Variants in CNTN6 observed in about 807,000 individuals in gnomAD.
The protein encoded by CNTN6 is contactin 6.
Under a neutral mutation model 122.8 loss-of-function variants are expected in CNTN6, and 137 were observed. The observed-to-expected ratio is 1.12, with a 90% CI of 0.97 to 1.29. The LOEUF (loss-of-function observed/expected upper bound fraction) is 1.29, where lower values mean the gene tolerates loss of function less well. CNTN6 is among the 50% of genes most tolerant of loss of function. The pLI, the probability that CNTN6 is intolerant of heterozygous loss-of-function variation, is 0.00. For missense variants in CNTN6, 1,634 were observed against 1,223.4 expected (o/e 1.34, Z -5.01); for synonymous variants, 570 against 426.0 (o/e 1.34, Z -4.16).
intron 2 of CNTN6, among the ~76,000 whole-genome samples, chr3:1,156,592 CTTTCTTTCTTTCTTTCTTTTTCT>C (rs2092967653): frequency 6.7e-6 from 1 of 148,720 alleles, no homozygotes; most frequent in African/African-American, 2.6e-5. Context: ...GAGTCTCAGA[CTTTCTTTCTTTCTTTCTTTTTCT>C]TTTCTTTCTT....
At chr3:1,281,619 CATGA>C in intron 5 of CNTN6, among the ~76,000 whole-genome samples, 5 of 152,110 alleles carry the variant, frequency 3.3e-5, no homozygotes, top group African/African-American at 4.8e-5. Context: ...CACGTGCCAC[CATGA>C]ACACCTAATT....
intron 2 of CNTN6, among the ~76,000 whole-genome samples, chr3:1,200,507 C>T (rs1020979042): frequency 1.9e-4 from 29 of 152,108 alleles, no homozygotes; most frequent in African/African-American, 6.8e-4. Flanking sequence ...GCATTTGGAC[C>T]TTTTGGGGTC....
chr3:1,387,681 G>A (rs1693253796), intron 20 of CNTN6, among the ~76,000 whole-genome samples: 1 of 152,206 alleles, frequency 6.6e-6, no homozygotes, highest in South Asian at 2.1e-4. Context: ...GTGCCAGACA[G>A]TGGGCGCAGG....
chr3:1,361,545 T>C (rs1385703815), intron 12 of CNTN6, among the ~76,000 whole-genome samples: 1 of 152,184 alleles, frequency 6.6e-6, no homozygotes, highest in Admixed American at 6.6e-5. Context: ...AAATTATACT[T>C]ATTTCTTTCT....
intron 11 of CNTN6, among the ~76,000 whole-genome samples, chr3:1,336,778 A>T (rs13325400): frequency 2.6e-5 from 4 of 152,042 alleles, no homozygotes; most frequent in African/African-American, 9.7e-5. Context: ...TCAAACCTCA[A>T]ATTTAGAGCA....
rs529519302 is a variant in CNTN6 at position 1,102,497 on chromosome 3, G to GT, written c.-83+9377_-83+9378insT. ...TGTAATCCCAGCACTTTGGGAGGCC[G>GT]AGGTGGGCGGATCACCAGGTCAGGA... On this transcript the variant is annotated intron_variant, in intron 1 of 22. Transcript: ENST00000446702. Among the ~76,000 whole-genome samples, 267 of 152,136 alleles carry GT rather than the reference G, an allele frequency of 1.8e-3. 2 individuals carry two copies. Among genetic ancestry groups the GT allele is most frequent in the Middle Eastern group, 3.4e-3 (1 of 294 alleles).
At chr3:1,177,985 C>T (rs1429583452) in intron 2 of CNTN6, among the ~76,000 whole-genome samples, 1 of 151,220 alleles carries the variant, frequency 6.6e-6, no homozygotes, top group Non-Finnish European at 1.5e-5. Context: ...ACTGCAACCT[C>T]TGCCTCCCGG....
intron 11 of CNTN6, among the ~76,000 whole-genome samples, chr3:1,337,817 G>C (rs920484002): frequency 6.6e-6 from 1 of 152,096 alleles, no homozygotes; most frequent in African/African-American, 2.4e-5. Flanking sequence ...AGTCTTGCCT[G>C]TTTCACATGA....
intron 2 of CNTN6, among the ~76,000 whole-genome samples, chr3:1,148,470 AT>A (rs1462612100): frequency 2.0e-5 from 3 of 151,948 alleles, no homozygotes; most frequent in African/African-American, 7.2e-5. Context: ...TATTTCTCTC[AT>A]GTTTAGAAAT....
chr3:1,273,000 T>C (rs2095051248), intron 4 of CNTN6, among the ~76,000 whole-genome samples: 1 of 152,190 alleles, frequency 6.6e-6, no homozygotes, highest in Admixed American at 6.5e-5. Flanking sequence ...TTAAAGCTCA[T>C]TTTATGGGCC....
At chr3:1,357,148 C>T (rs1346800805) in intron 12 of CNTN6, among the ~76,000 whole-genome samples, 3 of 151,604 alleles carry the variant, frequency 2.0e-5, no homozygotes, top group Non-Finnish European at 4.4e-5. Context: ...TAGGTTTTAC[C>T]ACTTTTTTCA....
chr3:1,099,523 C>G (rs1380487156), intron 1 of CNTN6, among the ~76,000 whole-genome samples: 2 of 152,150 alleles, frequency 1.3e-5, no homozygotes, highest in East Asian at 3.9e-4. Context: ...GTTTTATATT[C>G]TTATTATTCA....
intron 2 of CNTN6, among the ~76,000 whole-genome samples, chr3:1,182,971 T>C (rs1170891611): frequency 2.0e-5 from 3 of 152,178 alleles, no homozygotes; most frequent in Admixed American, 6.6e-5. Flanking sequence ...CAAGTGATTA[T>C]TGTTTAAAAA....
intron 4 of CNTN6, among the ~76,000 whole-genome samples, chr3:1,272,471 T>C (rs1310865636): frequency 1.3e-5 from 2 of 152,060 alleles, no homozygotes; most frequent in African/African-American, 2.4e-5. Flanking sequence ...TATTAAAAAA[T>C]GAAAGAACAA....
Position 1,295,814 on chromosome 3 carries a change from T to C in CNTN6, c.658+10T>C, listed in dbSNP as rs371392292. 6 of 1,600,184 alleles carry C rather than the reference T, an allele frequency of 3.7e-6. No homozygotes were observed. The highest frequency in any genetic ancestry group is 1.7e-4 in the Middle Eastern group (1 of 6,054). On this transcript the variant is annotated intron_variant, in intron 6 of 22. Coordinates refer to ENST00000446702, the MANE Select transcript of CNTN6 (RefSeq NM_001289080.2). ...GTGCAGCGCACTGATGGTAAGATAATGAGTTATCTTGGGAATGTACTTTAT... is the reference window on the plus strand; with the variant it reads ...GTGCAGCGCACTGATGGTAAGATAACGAGTTATCTTGGGAATGTACTTTAT...
At chr3:1,246,942 G>C (rs1449188845) in intron 4 of CNTN6, among the ~76,000 whole-genome samples, 1 of 152,052 alleles carries the variant, frequency 6.6e-6, no homozygotes, top group African/African-American at 2.4e-5. Flanking sequence ...TTTTGTGTAG[G>C]AAACCGCTTC....
Position 1,245,305 on chromosome 3 carries a change from T to C in CNTN6, c.358+17312T>C, listed in dbSNP as rs1424078760. ...CACATATATATATAACATATATATA[T>C]ATATATATATATATATATATATATA... On this transcript the variant is annotated intron_variant, in intron 4 of 22. Transcript: ENST00000446702. 2.1e-3 allele frequency among the ~76,000 whole-genome samples: 22 copies of C among 10,606 alleles called. 3 individuals are homozygous for C. Among genetic ancestry groups the C allele is most frequent in the African/African-American group, 8.2e-3 (21 of 2,548 alleles). 7.0% of individuals were successfully genotyped at this position (10,606 alleles called of 152,430 possible). A position where few individuals can be genotyped will look rare whatever the true frequency, so the allele number is the denominator to read the frequency against.
In CNTN6 at chr3:1,290,481, T is replaced by C. The variant is rs116486243; in HGVS notation, c.455-5120T>C. On this transcript the variant is annotated intron_variant, in intron 5 of 22. Transcript: ENST00000446702. ...AGGACATGAACATAGAAAAAGAGGA[T>C]CAATTGTAAAGACATTGAAAAGTAG... 5.9e-3 allele frequency among the ~76,000 whole-genome samples: 893 copies of C among 152,096 alleles called. 8 individuals are homozygous for C. The highest frequency in any genetic ancestry group is 0.02 in the African/African-American group (849 of 41,474).
chr3:1,266,904 G>A (rs2094934507), intron 4 of CNTN6, among the ~76,000 whole-genome samples: 1 of 150,818 alleles, frequency 6.6e-6, no homozygotes, highest in Non-Finnish European at 1.5e-5. Flanking sequence ...TGAGCTTCTG[G>A]CCAGACTCCC....
Sources: gnomAD v4.1 joint callset for allele counts (sites outside exome capture counted in the v4.1 genomes callset) on GRCh38, gnomAD v4.1.1 for gene constraint, MANE v1.5 for transcripts, NCBI Gene and HGNC (gene_info 2026-07-23, HGNC 2026-07-21) for gene names.